EHHADH: variants seen among roughly 807,000 people sequenced by gnomAD.
The protein encoded by EHHADH is enoyl-CoA hydratase and 3-hydroxyacyl CoA dehydrogenase.
In EHHADH, 48 loss-of-function variants were observed where a neutral mutation model predicts 64.4. That is an observed-to-expected ratio of 0.75 (90% CI 0.59 to 0.95). The LOEUF (loss-of-function observed/expected upper bound fraction) is 0.95, where lower values mean the gene tolerates loss of function less well. Among genes scored for constraint, EHHADH ranks in the 40% least tolerant of loss-of-function variants. EHHADH has a pLI of 0.00. For missense variants in EHHADH, 854 were observed against 876.6 expected (o/e 0.97, Z 0.33); for synonymous variants, 308 against 326.7 (o/e 0.94, Z 0.62).
chr3:185,203,570 A>C lies in EHHADH; in HGVS notation c.910+846T>G, dbSNP rs567730496. Among the ~76,000 whole-genome samples, 71 of 152,292 alleles carry C rather than the reference A, an allele frequency of 4.7e-4. 2 individuals carry two copies. The highest frequency in any genetic ancestry group is 1.6e-3 in the African/African-American group (65 of 41,554). On this transcript the variant is annotated intron_variant, in intron 6 of 6. Coordinates refer to ENST00000231887, the MANE Select transcript of EHHADH (RefSeq NM_001966.4). Reference sequence around the variant, plus strand: ...CTTAGGAAAGTGGCCCAGAGAAGCCAATCAGGGAGCTAGCATCTGAGGAAG... The same window carrying C: ...CTTAGGAAAGTGGCCCAGAGAAGCCCATCAGGGAGCTAGCATCTGAGGAAG...
chr3:185,209,867 C>T (rs1718492276), intron 5 of EHHADH, among the ~76,000 whole-genome samples: 1 of 152,178 alleles, frequency 6.6e-6, no homozygotes, highest in African/African-American at 2.4e-5. Context: ...CCCTCTCACC[C>T]TACTACTTTG....
chr3:185,228,438 G>A (rs2108643776), intron 4 of EHHADH, among the ~76,000 whole-genome samples: 1 of 151,558 alleles, frequency 6.6e-6, no homozygotes, highest in South Asian at 2.1e-4. Context: ...AGCACTTTTG[G>A]GAGGCCAAGG....
intron 3 of EHHADH, among the ~76,000 whole-genome samples, chr3:185,234,777 A>C (rs1329987861): frequency 6.6e-6 from 1 of 152,220 alleles, no homozygotes; most frequent in Non-Finnish European, 1.5e-5. Context: ...TCAGAGTAGC[A>C]GGTGTTTACT....
intron 1 of EHHADH, among the ~76,000 whole-genome samples, chr3:185,251,608 A>G (rs542196037): frequency 7.8e-4 from 117 of 149,326 alleles, no homozygotes; most frequent in African/African-American, 2.4e-3. Flanking sequence ...AAAAATTTAT[A>G]TGTGTGTGTG....
intron 5 of EHHADH, among the ~76,000 whole-genome samples, chr3:185,213,052 G>A (rs576773819): frequency 2.8e-5 from 4 of 140,930 alleles, no homozygotes; most frequent in African/African-American, 5.2e-5. Context: ...CCCAGGAGGC[G>A]GAGGTTGCAG....
intron 4 of EHHADH, among the ~76,000 whole-genome samples, chr3:185,223,966 C>A (rs181610717): frequency 6.6e-6 from 1 of 152,156 alleles, no homozygotes; most frequent in Admixed American, 6.5e-5. Context: ...CATTTTCAGA[C>A]GGCATTCTAA....
Position 185,191,294 on chromosome 3 carries a change from T to C in EHHADH, c.*932A>G, listed in dbSNP as rs1717860621. 6.6e-6 allele frequency: 1 copy of C among 152,204 alleles called. No homozygotes were observed. 9.4% of individuals were successfully genotyped at this position (152,204 alleles called of 1,614,324 possible). ...TTTATGGCTGAATAATATAGTCCAT[T>C]GTATGGATATACCAGATTTGGTTTA... is the stretch of plus-strand genomic sequence containing the variant. On this transcript the variant is annotated 3_prime_UTR_variant, in exon 7 of 7. Coordinates refer to ENST00000231887, the MANE Select transcript of EHHADH (RefSeq NM_001966.4).
rs933199940 is a variant in EHHADH at position 185,202,994 on chromosome 3, G to T, written c.910+1422C>A. Among the ~76,000 whole-genome samples the T allele has an allele frequency of 1.8e-4, 27 of 150,752 alleles. 1 individual carries two copies. The highest frequency in any genetic ancestry group is 8.8e-5 in the Non-Finnish European group (6 of 67,820). On this transcript the variant is annotated intron_variant, in intron 6 of 6. Coordinates refer to ENST00000231887, the MANE Select transcript of EHHADH (RefSeq NM_001966.4). ...GGTTGCCAAAGGCCAGGAAGGGGAG[G>T]GGGGGATGGGAGATGAAGGGAAAAA...
At chr3:185,241,581 T>C (rs943163013) in intron 2 of EHHADH, among the ~76,000 whole-genome samples, 2 of 152,258 alleles carry the variant, frequency 1.3e-5, no homozygotes, top group African/African-American at 2.4e-5. Context: ...CATATGCTTG[T>C]TGGCCAATTG....
intron 4 of EHHADH, among the ~76,000 whole-genome samples, chr3:185,224,370 A>T (rs977569808): frequency 1.3e-5 from 2 of 151,622 alleles, no homozygotes; most frequent in Non-Finnish European, 2.9e-5. Context: ...GTGTGGTGGC[A>T]CGTGCCTGTA....
intron 1 of EHHADH, among the ~76,000 whole-genome samples, chr3:185,249,295 A>ATTTTTTT (rs1175822312): frequency 6.6e-6 from 1 of 152,010 alleles, no homozygotes; most frequent in African/African-American, 2.4e-5. Flanking sequence ...CGTCCGGCTA[A>ATTTTTTT]TTTTTTGTAT....
chr3:185,209,671 A>G (rs1378082868), intron 5 of EHHADH, among the ~76,000 whole-genome samples: 6 of 152,246 alleles, frequency 3.9e-5, no homozygotes, highest in African/African-American at 9.6e-5. Context: ...TCATGTGCAC[A>G]TGGTAATATA....
chr3:185,239,379 G>A (rs1182541775), intron 2 of EHHADH, among the ~76,000 whole-genome samples: 1 of 152,126 alleles, frequency 6.6e-6, no homozygotes, highest in Non-Finnish European at 1.5e-5. Flanking sequence ...TGGGCAGTAT[G>A]TCCATTTTAA....
intron 2 of EHHADH, chr3:185,246,289 C>G: frequency 1.2e-6 from 1 of 808,142 alleles, no homozygotes. Context: ...GCTTCCAAAT[C>G]TTTGTCCTCA....
chr3:185,242,603 C>T (rs1388401750), intron 2 of EHHADH, among the ~76,000 whole-genome samples: 2 of 152,212 alleles, frequency 1.3e-5, no homozygotes, highest in African/African-American at 4.8e-5. Flanking sequence ...GAGTCATGTA[C>T]CTAAAAGGAT....
chr3:185,222,546 TA>T (rs1460733769), intron 4 of EHHADH, among the ~76,000 whole-genome samples: 1 of 152,238 alleles, frequency 6.6e-6, no homozygotes, highest in African/African-American at 2.4e-5. Context: ...AATTGTTTTA[TA>T]TTTTTGCAAA....
At chr3:185,237,138 CACAA>C (rs1176833863) in intron 2 of EHHADH, among the ~76,000 whole-genome samples, 8 of 152,160 alleles carry the variant, frequency 5.3e-5, no homozygotes, top group African/African-American at 1.7e-4. Flanking sequence ...AAAACCAAAG[CACAA>C]ACAGTGTAGT....
rs1717877583 is a variant in EHHADH, at chr3:185,191,804, T to C, written c.*422A>G. On this transcript the variant is annotated 3_prime_UTR_variant, in exon 7 of 7. Transcript: ENST00000231887. ...TGTCTTTTTCCTACAACTTTAATGT[T>C]TGTTGAGTGTATGTATGATTCATAA... is the stretch of plus-strand genomic sequence containing the variant. 6.0e-6 allele frequency: 1 copy of C among 166,160 alleles called. No homozygotes were observed. Among genetic ancestry groups the C allele is most frequent in the Non-Finnish European group, 1.3e-5 (1 of 76,886 alleles). The allele number at this position is 166,160 out of a possible 1,614,324, so 10.3% of individuals were successfully genotyped here. A position where few individuals can be genotyped will look rare whatever the true frequency, so the allele number is the denominator to read the frequency against.
chr3:185,204,214 G>A (rs559375499), intron 6 of EHHADH, among the ~76,000 whole-genome samples: 145 of 151,088 alleles, frequency 9.6e-4, no homozygotes, highest in Non-Finnish European at 1.8e-3. Flanking sequence ...CACCCTACTC[G>A]TGTTTAGCTC....
Sources: allele counts gnomAD v4.1 joint callset (sites outside exome capture counted in the v4.1 genomes callset), GRCh38; gene constraint gnomAD v4.1.1; transcripts MANE v1.5; gene names NCBI Gene and HGNC (gene_info 2026-07-23, HGNC 2026-07-21).